DENND5A: variants seen among roughly 807,000 people sequenced by gnomAD.
DENND5A encodes the protein DENN domain containing 5A.
In DENND5A, 64 loss-of-function variants were observed where a neutral mutation model predicts 140.3. The ratio of observed to expected loss-of-function variants is 0.46; its 90% CI spans 0.37 to 0.56. DENND5A has a LOEUF of 0.56. DENND5A is among the 20% of genes least tolerant of loss of function. The pLI is 0.00. For missense variants in DENND5A, 1,292 were observed against 1,593.8 expected (o/e 0.81, Z 3.22); for synonymous variants, 605 against 607.7 (o/e 1.00, Z 0.07).
intron 12 of DENND5A, among the ~76,000 whole-genome samples, chr11:9,156,540 C>T (rs1485534621): frequency 6.6e-6 from 1 of 151,454 alleles, no homozygotes; most frequent in African/African-American, 2.4e-5. Context: ...GGCAGGGGAA[C>T]TGCTTGAACC....
intron 2 of DENND5A, chr11:9,207,126 T>G (rs1450716368): frequency 6.9e-6 from 3 of 433,184 alleles, no homozygotes; most frequent in South Asian, 4.1e-5. Flanking sequence ...AAAGCCACAT[T>G]TAATTTGCTT....
chr11:9,253,857 C>A (rs930864750), intron 1 of DENND5A, among the ~76,000 whole-genome samples: 4 of 150,812 alleles, frequency 2.7e-5, no homozygotes, highest in Admixed American at 1.3e-4. Context: ...CAGGGTGAGA[C>A]CCTGTCTCAA....
At chr11:9,240,727 C>A (rs1380988715) in intron 1 of DENND5A, among the ~76,000 whole-genome samples, 1 of 150,620 alleles carries the variant, frequency 6.6e-6, no homozygotes, top group Non-Finnish European at 1.5e-5. Flanking sequence ...AAAAAAAGAA[C>A]TGAAGAACTG....
At position 9,228,110 on chromosome 11, in the gene DENND5A, C is replaced by CAAAAAAAAAAA. The variant is rs548141276; in HGVS notation, c.110-20489_110-20479dup. 1.6e-3 allele frequency among the ~76,000 whole-genome samples: 115 copies of CAAAAAAAAAAA among 72,646 alleles called. 3 individuals are homozygous for CAAAAAAAAAAA. Among genetic ancestry groups the CAAAAAAAAAAA allele is most frequent in the African/African-American group, 6.4e-3 (112 of 17,628 alleles). The allele number at this position is 72,646 out of a possible 152,430, so 47.7% of individuals were successfully genotyped here. On this transcript the variant is annotated intron_variant, in intron 1 of 22. Coordinates refer to ENST00000328194, the MANE Select transcript of DENND5A (RefSeq NM_015213.4). ...CCTGGGCGATAGCAAGACTCCATCT[C>CAAAAAAAAAAA]AAAAAAAAAAAAAAAAAAAAAACTT...
At chr11:9,256,921 GAC>G (rs1309510558) in intron 1 of DENND5A, among the ~76,000 whole-genome samples, 1 of 152,126 alleles carries the variant, frequency 6.6e-6, no homozygotes, top group African/African-American at 2.4e-5. Context: ...TTTATATATG[GAC>G]ACACACATAA....
intron 12 of DENND5A, among the ~76,000 whole-genome samples, chr11:9,154,066 T>C (rs1847723298): frequency 6.6e-6 from 1 of 152,262 alleles, no homozygotes; most frequent in Admixed American, 6.5e-5. Context: ...TTTGTTTTAG[T>C]AAGATTACAA....
chr11:9,214,179 T>C (rs933211471), intron 1 of DENND5A, among the ~76,000 whole-genome samples: 1 of 152,228 alleles, frequency 6.6e-6, no homozygotes, highest in African/African-American at 2.4e-5. Flanking sequence ...CCCAATAGCA[T>C]AGTACTGCTA....
intron 1 of DENND5A, among the ~76,000 whole-genome samples, chr11:9,237,154 C>T (rs1199284771): frequency 6.6e-6 from 1 of 152,240 alleles, no homozygotes. Context: ...CGGTGGCTCA[C>T]GCCTGTAATC....
chr11:9,233,297 G>A (rs546903399), intron 1 of DENND5A, among the ~76,000 whole-genome samples: 27 of 151,886 alleles, frequency 1.8e-4, no homozygotes, highest in Non-Finnish European at 3.7e-4. Context: ...TACTCAGGAG[G>A]CTGAGGCAGG....
At chr11:9,164,070 T>TTG (rs1462712006) in intron 11 of DENND5A, among the ~76,000 whole-genome samples, 1 of 135,058 alleles carries the variant, frequency 7.4e-6, no homozygotes, top group Non-Finnish European at 1.6e-5. Context: ...TTTTTTTTTT[T>TTG]TTTTTTTTTT....
chr11:9,203,865 G>A lies in DENND5A; in HGVS notation c.744C>T (p.Leu248=), dbSNP rs957437820. The A allele has an allele frequency of 1.2e-6, 2 of 1,614,074 alleles. No individual in the cohort carries two copies. The change falls in exon 4 of 23, where the codon CTC becomes CTT. Residue 248 remains leucine, a synonymous_variant. Coordinates refer to ENST00000328194, the MANE Select transcript of DENND5A (RefSeq NM_015213.4). ...CAGGAGGTGGGAGCGGCACCTCGTA[G>A]AGTACGTTGTATATGTAGCTCTCAA... ...LPLESYIYNV[L]YEVPLPPPGR...
intron 1 of DENND5A, among the ~76,000 whole-genome samples, chr11:9,228,714 G>A (rs1387863992): frequency 3.2e-5 from 4 of 123,614 alleles, no homozygotes; most frequent in African/African-American, 6.4e-5. Flanking sequence ...GTGAGACACC[G>A]TCTCAAAAAA....
At chr11:9,245,869 G>C (rs2136281481) in intron 1 of DENND5A, among the ~76,000 whole-genome samples, 1 of 152,140 alleles carries the variant, frequency 6.6e-6, no homozygotes, top group Admixed American at 6.5e-5. Context: ...CCTGACCTCA[G>C]GTGATCCGCC....
At position 9,195,177 on chromosome 11, in the gene DENND5A, T is replaced by C. The variant is rs113160943; in HGVS notation, c.950-1496A>G. ...AGCTCCACAACCTCCACCTCCCGGG[T>C]TTAAGCGATTCTCCTGCCTCAGCCT... On this transcript the variant is annotated intron_variant, in intron 4 of 22. Coordinates refer to ENST00000328194, the MANE Select transcript of DENND5A (RefSeq NM_015213.4). 4.7e-3 allele frequency among the ~76,000 whole-genome samples: 705 copies of C among 151,128 alleles called. 5 individuals are homozygous for C. Among genetic ancestry groups the C allele is most frequent in the African/African-American group, 0.016 (669 of 41,070 alleles).
intron 1 of DENND5A, among the ~76,000 whole-genome samples, chr11:9,233,625 T>C (rs750162378): frequency 5.3e-5 from 8 of 151,954 alleles, no homozygotes; most frequent in Admixed American, 6.6e-5. Flanking sequence ...CCTAAAATAA[T>C]AGACACAGAG....
At chr11:9,229,252 C>T (rs1337343289) in intron 1 of DENND5A, among the ~76,000 whole-genome samples, 1 of 152,058 alleles carries the variant, frequency 6.6e-6, no homozygotes, top group Non-Finnish European at 1.5e-5. Flanking sequence ...TGCGCCTGGC[C>T]CAAATATGCA....
chr11:9,140,063 C>T (rs1847185910), intron 22 of DENND5A: 1 of 1,129,310 alleles, frequency 8.9e-7, no homozygotes, highest in African/African-American at 1.5e-5. Context: ...TCAGCCCTGT[C>T]ATGAGCCTCC....
At chr11:9,249,054 T>C (rs372118435) in intron 1 of DENND5A, among the ~76,000 whole-genome samples, 1 of 151,982 alleles carries the variant, frequency 6.6e-6, no homozygotes, top group African/African-American at 2.4e-5. Context: ...GGTGAAACCC[T>C]GTCTCTACTA....
chr11:9,232,586 A>G (rs185300892), intron 1 of DENND5A, among the ~76,000 whole-genome samples: 1 of 152,310 alleles, frequency 6.6e-6, no homozygotes, highest in African/African-American at 2.4e-5. Context: ...GTTGGTAAGG[A>G]TAGGGAGTAA....
Sources: allele counts gnomAD v4.1 joint callset (sites outside exome capture counted in the v4.1 genomes callset), GRCh38; gene constraint gnomAD v4.1.1; transcripts MANE v1.5; gene names NCBI Gene and HGNC (gene_info 2026-07-23, HGNC 2026-07-21).